The following SLC35F3 variants were observed in gnomAD, a reference collection of about 807,000 sequenced individuals.
SLC35F3 encodes solute carrier family 35 member F3, also known as putative thiamine transporter SLC35F3.
A neutral mutation model predicts 49.9 loss-of-function variants in SLC35F3; 25 were observed. That is an observed-to-expected ratio of 0.50 (90% CI 0.37 to 0.70). The LOEUF (loss-of-function observed/expected upper bound fraction) is 0.70, where lower values mean the gene tolerates loss of function less well. Ranked by LOEUF, SLC35F3 falls within the 30% of genes least tolerant of loss-of-function variation. The pLI, the probability that SLC35F3 is intolerant of heterozygous loss-of-function variation, is 0.00. For synonymous variants in SLC35F3, 275 were observed against 265.4 expected (o/e 1.04, Z -0.35); for missense variants, 525 against 639.8 (o/e 0.82, Z 1.94).
At chr1:234,113,105 T>G (rs1665433259) in intron 2 of SLC35F3, among the ~76,000 whole-genome samples, 1 of 152,040 alleles carries the variant, frequency 6.6e-6, no homozygotes, top group Non-Finnish European at 1.5e-5. Context: ...AGAAAAGAAA[T>G]AACTATTAAT....
At chr1:234,241,854 T>C (rs2102957156) in intron 3 of SLC35F3, among the ~76,000 whole-genome samples, 1 of 151,742 alleles carries the variant, frequency 6.6e-6, no homozygotes, top group Non-Finnish European at 1.5e-5. Flanking sequence ...GCAGTAACAG[T>C]GGTCACTGGT....
intron 2 of SLC35F3, among the ~76,000 whole-genome samples, chr1:234,153,428 G>C (rs1012451143): frequency 3.3e-5 from 5 of 152,140 alleles, no homozygotes; most frequent in African/African-American, 1.2e-4. Flanking sequence ...GGGCAACATA[G>C]CGAGACTCTC....
At chr1:234,023,227 C>G (rs1409261162) in intron 2 of SLC35F3, among the ~76,000 whole-genome samples, 2 of 152,114 alleles carry the variant, frequency 1.3e-5, no homozygotes, top group Non-Finnish European at 2.9e-5. Context: ...ATAAGTGAAC[C>G]AGGGCATTAG....
intron 3 of SLC35F3, among the ~76,000 whole-genome samples, chr1:234,302,540 G>T (rs975483364): frequency 1.3e-5 from 2 of 152,112 alleles, no homozygotes; most frequent in Non-Finnish European, 2.9e-5. Context: ...GAAAGGGGCG[G>T]GTGAGAGGCT....
intron 2 of SLC35F3, among the ~76,000 whole-genome samples, chr1:233,970,000 C>T (rs574645211): frequency 2.6e-5 from 4 of 152,334 alleles, no homozygotes; most frequent in East Asian, 1.9e-4. Context: ...CCTGCCTCAT[C>T]GGATGCCCTC....
intron 2 of SLC35F3, among the ~76,000 whole-genome samples, chr1:234,105,314 T>C (rs1241562963): frequency 1.3e-5 from 2 of 152,142 alleles, no homozygotes; most frequent in East Asian, 3.9e-4. Flanking sequence ...AACAATTGAC[T>C]GGGGAAGCTG....
At chr1:234,201,859 G>A (rs1054716316) in intron 2 of SLC35F3, among the ~76,000 whole-genome samples, 6 of 148,708 alleles carry the variant, frequency 4.0e-5, no homozygotes, top group African/African-American at 1.5e-4. Context: ...CTTGTAGTGA[G>A]CCGAGACTGC....
Position 234,214,662 on chromosome 1 carries a change from G to T in SLC35F3, c.284-16755G>T, listed in dbSNP as rs907667640. The T allele has an allele frequency of 9.7e-6, 14 of 1,441,654 alleles. No homozygotes were observed. Among genetic ancestry groups the T allele is most frequent in the Admixed American group, 2.6e-5 (1 of 38,440 alleles). 89.3% of individuals were successfully genotyped at this position (1,441,654 alleles called of 1,614,324 possible). On this transcript the variant is annotated intron_variant, in intron 2 of 7. Transcript: ENST00000366618. This position sits in a 1 kb window ranked among gnomAD's most constrained non-coding sequence, Gnocchi z 8.0. The stretch of plus-strand genomic sequence containing the variant: ...GAGGGGGGCTGTCTGGCTGCGGGGC[G>T]CCGGGGCTGGGGGTACTGCTCCCCC...
chr1:234,141,987 C>T (rs1306872927), intron 2 of SLC35F3, among the ~76,000 whole-genome samples: 6 of 152,162 alleles, frequency 3.9e-5, no homozygotes, highest in East Asian at 1.9e-4. Flanking sequence ...TTAGATGCAG[C>T]GAAGCGTGCA....
At chr1:234,047,559 T>A (rs1366839957) in intron 2 of SLC35F3, among the ~76,000 whole-genome samples, 1 of 152,218 alleles carries the variant, frequency 6.6e-6, no homozygotes, top group Non-Finnish European at 1.5e-5. Context: ...TTACTGGCCT[T>A]TGGACTATAA....
chr1:234,114,962 C>T (rs771014084), intron 2 of SLC35F3, among the ~76,000 whole-genome samples: 15 of 152,044 alleles, frequency 9.9e-5, no homozygotes, highest in Admixed American at 6.5e-5. Flanking sequence ...TAAAGGGGAC[C>T]GGGTATTGAG....
intron 2 of SLC35F3, among the ~76,000 whole-genome samples, chr1:234,145,757 G>A (rs2102905760): frequency 6.6e-6 from 1 of 152,152 alleles, no homozygotes. Context: ...TTTATACCGG[G>A]GCTAGAGCAT....
At chr1:234,289,667 A>C (rs957912462) in intron 3 of SLC35F3, among the ~76,000 whole-genome samples, 2 of 152,226 alleles carry the variant, frequency 1.3e-5, no homozygotes, top group Admixed American at 6.5e-5. Context: ...AACAGAACCA[A>C]AACTGTGAGC....
At chr1:234,130,622 C>CAG (rs201414563) in intron 2 of SLC35F3, among the ~76,000 whole-genome samples, 2,540 of 137,962 alleles carry the variant, frequency 0.018, 73 homozygotes, top group African/African-American at 0.064. Flanking sequence ...GCCCAGGTGA[C>CAG]AGAGAGAGAG....
intron 2 of SLC35F3, among the ~76,000 whole-genome samples, chr1:234,221,136 A>T (rs1667198606): frequency 6.6e-6 from 1 of 152,144 alleles, no homozygotes; most frequent in Admixed American, 6.5e-5. Context: ...CAACCAAGAG[A>T]GGGTGATTTT....
chr1:234,002,058 T>C (rs1432099696), intron 2 of SLC35F3, among the ~76,000 whole-genome samples: 1 of 152,226 alleles, frequency 6.6e-6, no homozygotes, highest in Non-Finnish European at 1.5e-5. Context: ...TGCTGCTGGC[T>C]GTAGACAGGA....
At chr1:234,272,951 G>A (rs1023754996) in intron 3 of SLC35F3, among the ~76,000 whole-genome samples, 2 of 152,226 alleles carry the variant, frequency 1.3e-5, no homozygotes, top group African/African-American at 4.8e-5. Flanking sequence ...GCGCAGGACA[G>A]TCACAGCCCC....
intron 2 of SLC35F3, among the ~76,000 whole-genome samples, chr1:234,036,206 G>T (rs1229455336): frequency 6.6e-6 from 1 of 152,150 alleles, no homozygotes; most frequent in Non-Finnish European, 1.5e-5. Flanking sequence ...GGGACTACAG[G>T]TGTGCACTAC....
At chr1:234,216,705 G>A (rs934506276) in intron 2 of SLC35F3, among the ~76,000 whole-genome samples, 3 of 152,222 alleles carry the variant, frequency 2.0e-5, no homozygotes, top group African/African-American at 7.2e-5. Flanking sequence ...ACTGGGCCCT[G>A]CCCCTTTTCC....
Sources: gnomAD v4.1 joint callset for allele counts (sites outside exome capture counted in the v4.1 genomes callset) on GRCh38, gnomAD v4.1.1 for gene constraint, Gnocchi (gnomAD v3.1) non-coding constraint, MANE v1.5 for transcripts, NCBI Gene and HGNC (gene_info 2026-07-23, HGNC 2026-07-21) for gene names.